Variants in PCDH15 observed in about 807,000 individuals in gnomAD.
The protein encoded by PCDH15 is protocadherin related 15, also known as protocadherin-15.
A neutral mutation model predicts 178.5 loss-of-function variants in PCDH15; 129 were observed. That is an observed-to-expected ratio of 0.72 (90% CI 0.63 to 0.84). PCDH15 has a LOEUF of 0.84. Ranked by LOEUF, PCDH15 falls within the 40% of genes least tolerant of loss-of-function variation. The pLI is 0.00. For synonymous variants in PCDH15, 800 were observed against 732.0 expected, an observed-to-expected ratio of 1.09 and a Z score of -1.50; for missense variants, 2,230 against 2,099.9, an observed-to-expected ratio of 1.06 and a Z score of -1.21.
intron 3 of PCDH15, 74 bp from the exon 4 acceptor site, chr10:54,379,016 A>C: frequency 6.5e-7 from 1 of 1,544,998 alleles, no homozygotes; most frequent in Admixed American, 1.7e-5. Context: ...ATGCTCTTAA[A>C]CCGCGGCTGG....
At chr10:54,591,727 T>C (rs2091901295) in intron 2 of PCDH15, among the ~76,000 whole-genome samples, 1 of 152,118 alleles carries the variant, frequency 6.6e-6, no homozygotes, top group Admixed American at 6.5e-5. Context: ...AAAATTAAAA[T>C]GAAACTTAGA....
At chr10:55,455,045 T>C (rs1319209013) in intron 2 of PCDH15, among the ~76,000 whole-genome samples, 2 of 152,248 alleles carry the variant, frequency 1.3e-5, no homozygotes, top group East Asian at 3.9e-4. Context: ...ACCTAGATAT[T>C]GCTCTGTGCC....
intron 15 of PCDH15, among the ~76,000 whole-genome samples, chr10:54,111,930 C>T (rs1156594171): frequency 1.4e-5 from 2 of 145,670 alleles, no homozygotes; most frequent in East Asian, 2.0e-4. Context: ...AGTTCAAGAC[C>T]ATCCTGCCCA....
rs562099686 is a variant in PCDH15 at position 55,626,075 on chromosome 10, G to A, written c.-156+1550C>T. ...CTAAGAGAAAGAATACAAGTAACAAGGGCCATTGCACAGAGGGAGATTTAA... is the reference window on the plus strand; with the variant it reads ...CTAAGAGAAAGAATACAAGTAACAAAGGCCATTGCACAGAGGGAGATTTAA... On this transcript the variant is annotated intron_variant, in intron 2 of 5. Coordinates refer to the PCDH15 transcript ENST00000613346. 5.9e-5 allele frequency among the ~76,000 whole-genome samples: 9 copies of A among 151,946 alleles called. No individual in the cohort carries two copies. The South Asian group carries it at 1.0e-3, about 18-fold the overall frequency.
chr10:55,237,291 T>G (rs1384682124), intron 1 of PCDH15, among the ~76,000 whole-genome samples: 5 of 152,108 alleles, frequency 3.3e-5, no homozygotes, highest in Non-Finnish European at 7.4e-5. Context: ...GCCCCTTCTT[T>G]TACTTAAAGA....
intron 18 of PCDH15, among the ~76,000 whole-genome samples, chr10:54,062,035 G>A (rs1036163213): frequency 6.6e-6 from 1 of 151,634 alleles, no homozygotes; most frequent in Non-Finnish European, 1.5e-5. Context: ...GATCAGCCTG[G>A]CCAACATGGC....
chr10:54,298,486 G>C (rs1462621015), intron 8 of PCDH15, among the ~76,000 whole-genome samples: 1 of 152,174 alleles, frequency 6.6e-6, no homozygotes, highest in African/African-American at 2.4e-5. Flanking sequence ...CAATCACCCA[G>C]TGGGGCTTGT....
At chr10:54,389,784 CAAA>C (rs35298368) in intron 3 of PCDH15, among the ~76,000 whole-genome samples, 4 of 70,004 alleles carry the variant, frequency 5.7e-5, no homozygotes, top group African/African-American at 1.4e-4. Flanking sequence ...AATAAAAATA[CAAA>C]AAAAAAAAAA....
intron 2 of PCDH15, among the ~76,000 whole-genome samples, chr10:55,032,935 G>C (rs1263985496): frequency 6.6e-6 from 1 of 152,114 alleles, no homozygotes; most frequent in Non-Finnish European, 1.5e-5. Flanking sequence ...TTTGTACAGT[G>C]CTAATTGGCT....
chr10:54,489,612 C>T (rs1286967259), intron 3 of PCDH15, among the ~76,000 whole-genome samples: 1 of 152,096 alleles, frequency 6.6e-6, no homozygotes, highest in Non-Finnish European at 1.5e-5. Flanking sequence ...TACACACATA[C>T]AGGCATACAT....
intron 3 of PCDH15, among the ~76,000 whole-genome samples, chr10:54,850,559 C>G (rs1387475622): frequency 1.3e-5 from 2 of 152,058 alleles, no homozygotes; most frequent in Non-Finnish European, 2.9e-5. Flanking sequence ...TCCATTCATT[C>G]TTAGGCATAT....
intron 14 of PCDH15, among the ~76,000 whole-genome samples, chr10:54,140,192 G>C (rs902330985): frequency 6.6e-6 from 1 of 152,180 alleles, no homozygotes; most frequent in African/African-American, 2.4e-5. Context: ...TACATTAGCA[G>C]TTTGGCAATT....
At chr10:54,450,267 T>C (rs565466445) in intron 3 of PCDH15, among the ~76,000 whole-genome samples, 285 of 151,214 alleles carry the variant, frequency 1.9e-3, no homozygotes, top group Non-Finnish European at 3.4e-3. Flanking sequence ...TACATTACTT[T>C]TTCTACTGAA....
intron 1 of PCDH15, among the ~76,000 whole-genome samples, chr10:54,722,135 G>C (rs1316281493): frequency 6.6e-6 from 1 of 151,778 alleles, no homozygotes; most frequent in Non-Finnish European, 1.5e-5. Context: ...TATCTCAAGA[G>C]ATGCAGAAAA....
chr10:54,020,115 A>G, intron 20 of PCDH15, 77 bp downstream of exon 20: 2 of 1,217,126 alleles, frequency 1.6e-6, no homozygotes, highest in East Asian at 2.4e-5. Context: ...AAAACATATT[A>G]TAGGTATAAT....
At chr10:54,042,530 A>G (rs1332195215) in intron 18 of PCDH15, among the ~76,000 whole-genome samples, 1 of 152,034 alleles carries the variant, frequency 6.6e-6, no homozygotes, top group Non-Finnish European at 1.5e-5. Flanking sequence ...AGAGTTAGAG[A>G]AAGAGTGCTC....
At chr10:55,063,331 C>T (rs1302756405) in intron 2 of PCDH15, among the ~76,000 whole-genome samples, 2 of 152,090 alleles carry the variant, frequency 1.3e-5, no homozygotes, top group African/African-American at 2.4e-5. Flanking sequence ...AAAGCAGTGG[C>T]ATAGTATATC....
chr10:54,247,867 C>CAAA (rs570243081), intron 8 of PCDH15, among the ~76,000 whole-genome samples: 11 of 122,086 alleles, frequency 9.0e-5, no homozygotes, highest in African/African-American at 3.1e-4. Context: ...GACTCTTTCT[C>CAAA]AAAAAAAAAA....
At chr10:54,224,159 T>TTCCTCAGA (rs2053186604) in intron 9 of PCDH15, among the ~76,000 whole-genome samples, 1 of 152,134 alleles carries the variant, frequency 6.6e-6, no homozygotes, top group South Asian at 2.1e-4. Flanking sequence ...TGTGTGGTAA[T>TTCCTCAGA]TCCTCAGATT....
Sources: allele counts gnomAD v4.1 joint callset (sites outside exome capture counted in the v4.1 genomes callset), GRCh38; gene constraint gnomAD v4.1.1; transcripts MANE v1.5; gene names NCBI Gene and HGNC (gene_info 2026-07-23, HGNC 2026-07-21).